The following MEMO1 variants were observed in gnomAD, a reference collection of about 807,000 sequenced individuals.
The protein encoded by MEMO1 is mediator of cell motility 1.
A neutral mutation model predicts 45.2 loss-of-function variants in MEMO1; 6 were observed. The observed-to-expected ratio is 0.13, with a 90% CI of 0.07 to 0.26. The LOEUF is 0.26. Among genes scored for constraint, MEMO1 ranks in the 10% least tolerant of loss-of-function variants. The pLI, the probability that MEMO1 is intolerant of heterozygous loss-of-function variation, is 1.00. For synonymous variants in MEMO1, 78 were observed against 124.3 expected, an observed-to-expected ratio of 0.63 and a Z score of 2.48; for missense variants, 184 against 370.5, an observed-to-expected ratio of 0.50 and a Z score of 4.13.
At chr2:31,993,734 C>T (rs1393156996) in intron 2 of MEMO1, among the ~76,000 whole-genome samples, 2 of 152,098 alleles carry the variant, frequency 1.3e-5, no homozygotes, top group Non-Finnish European at 2.9e-5. Context: ...ATCATTGGAG[C>T]TATCACCAGT....
rs549330170 is a variant in MEMO1 at position 31,872,819 on chromosome 2, T to A, written c.658-2867A>T. ...ATGGTTTAAGAGGTATGCCTCTTTA[T>A]AAGGAAAGATGGGAAAACTAAGGCT... On this transcript the variant is annotated intron_variant, in intron 8 of 9. Transcript: ENST00000404530. 8.5e-4 allele frequency among the ~76,000 whole-genome samples: 129 copies of A among 152,266 alleles called. 1 individual carries two copies. The highest frequency in any genetic ancestry group is 1.2e-3 in the Non-Finnish European group (82 of 67,996).
chr2:31,936,850 A>G (rs1020317559), intron 3 of MEMO1, among the ~76,000 whole-genome samples: 4 of 152,236 alleles, frequency 2.6e-5, no homozygotes, highest in African/African-American at 9.6e-5. Context: ...GTCAGGTCCA[A>G]TAGTCCTAGT....
At chr2:31,938,024 C>G (rs748107629) in intron 3 of MEMO1, among the ~76,000 whole-genome samples, 1 of 152,142 alleles carries the variant, frequency 6.6e-6, no homozygotes, top group East Asian at 1.9e-4. Context: ...GCGACACATA[C>G]TGTCTCCTAC....
Position 31,962,851 on chromosome 2 carries a change from T to A in MEMO1, c.62-19468A>T, listed in dbSNP as rs533578543. ...TTGGTCAAGCATTTTTCTGGATGTA[T>A]CTGTGAGAGTATTTCTAGATAAGAT... On this transcript the variant is annotated intron_variant, in intron 2 of 9. Transcript: ENST00000404530. Among the ~76,000 whole-genome samples the A allele has an allele frequency of 3.3e-5, 5 of 152,312 alleles. No homozygotes were observed. The South Asian group carries it at 8.3e-4, about 25-fold the overall frequency.
chr2:31,943,189 T>G, intron 3 of MEMO1, 113 bp downstream of exon 3: 2 of 757,542 alleles, frequency 2.6e-6, no homozygotes, highest in Non-Finnish European at 4.5e-6. Context: ...CGCTTGAACC[T>G]GGGAGGCGGA....
chr2:31,962,808 CAG>C (rs1375775062), intron 2 of MEMO1, among the ~76,000 whole-genome samples: 1 of 152,140 alleles, frequency 6.6e-6, no homozygotes, highest in Non-Finnish European at 1.5e-5. Context: ...TTAACTGGAC[CAG>C]AGGGTGCCCA....
At chr2:31,930,618 C>T (rs1376515505) in intron 4 of MEMO1, among the ~76,000 whole-genome samples, 2 of 151,794 alleles carry the variant, frequency 1.3e-5, no homozygotes, top group Admixed American at 6.6e-5. Context: ...GGTTTATAGG[C>T]CCAAGTCAAA....
intron 2 of MEMO1, among the ~76,000 whole-genome samples, chr2:31,999,315 T>G (rs1374361280): frequency 6.6e-6 from 1 of 152,046 alleles, no homozygotes; most frequent in Non-Finnish European, 1.5e-5. Flanking sequence ...AAATCTACAT[T>G]AGATCATGCC....
At chr2:31,898,582 T>G (rs1274870063) in intron 6 of MEMO1, among the ~76,000 whole-genome samples, 5 of 151,982 alleles carry the variant, frequency 3.3e-5, no homozygotes, top group Non-Finnish European at 7.4e-5. Flanking sequence ...TCTGAGAGAC[T>G]GTTATGATTT....
At chr2:31,893,090 T>C (rs1438292564) in intron 6 of MEMO1, among the ~76,000 whole-genome samples, 1 of 152,178 alleles carries the variant, frequency 6.6e-6, no homozygotes, top group Non-Finnish European at 1.5e-5. Context: ...CTTTTTAATA[T>C]GATAATCTGG....
At chr2:31,883,965 T>A (rs1411878607) in intron 7 of MEMO1, among the ~76,000 whole-genome samples, 1 of 151,210 alleles carries the variant, frequency 6.6e-6, no homozygotes, top group African/African-American at 2.4e-5. Flanking sequence ...TGAAGTAAAT[T>A]TTTTAAAAAT....
intron 2 of MEMO1, among the ~76,000 whole-genome samples, chr2:31,953,125 T>C (rs1667018411): frequency 6.6e-6 from 1 of 152,132 alleles, no homozygotes; most frequent in African/African-American, 2.4e-5. Context: ...TCCCAGCACT[T>C]TGGGAGGCCA....
chr2:31,945,864 CTA>C (rs1181121449), intron 2 of MEMO1, among the ~76,000 whole-genome samples: 1 of 152,172 alleles, frequency 6.6e-6, no homozygotes, highest in Non-Finnish European at 1.5e-5. Context: ...TTAGGACAAA[CTA>C]TGTGTGACAA....
intron 2 of MEMO1, among the ~76,000 whole-genome samples, chr2:31,992,194 G>C (rs920908231): frequency 6.6e-6 from 1 of 152,142 alleles, no homozygotes; most frequent in Non-Finnish European, 1.5e-5. Flanking sequence ...CCTAGGTCAG[G>C]GCTGAGGAAA....
chr2:31,991,291 G>T (rs1200936127), intron 2 of MEMO1, among the ~76,000 whole-genome samples: 4 of 152,104 alleles, frequency 2.6e-5, no homozygotes, highest in African/African-American at 9.7e-5. Context: ...CACAGGAATG[G>T]GCCGGGCGCG....
intron 2 of MEMO1, among the ~76,000 whole-genome samples, chr2:31,955,672 G>A (rs1397501645): frequency 1.3e-5 from 2 of 151,884 alleles, no homozygotes; most frequent in African/African-American, 4.8e-5. Flanking sequence ...GCAATGGGGC[G>A]ATCTCGGCTC....
At chr2:31,918,838 T>A (rs771479413) in intron 5 of MEMO1, among the ~76,000 whole-genome samples, 2 of 152,070 alleles carry the variant, frequency 1.3e-5, no homozygotes, top group East Asian at 3.9e-4. Flanking sequence ...AAGAAAGAAA[T>A]AAATGGTTGT....
chr2:31,924,968 C>T (rs982806352), intron 4 of MEMO1, among the ~76,000 whole-genome samples: 1 of 152,142 alleles, frequency 6.6e-6, no homozygotes, highest in African/African-American at 2.4e-5. Context: ...CCTTTTATGG[C>T]ATTTCATGGT....
intron 2 of MEMO1, among the ~76,000 whole-genome samples, chr2:32,007,450 T>G (rs943161086): frequency 6.6e-6 from 1 of 152,154 alleles, no homozygotes; most frequent in Non-Finnish European, 1.5e-5. Flanking sequence ...CAAGAAAAAA[T>G]TTGTTACTCT....
Sources: allele counts gnomAD v4.1 joint callset (sites outside exome capture counted in the v4.1 genomes callset), GRCh38; gene constraint gnomAD v4.1.1; transcripts MANE v1.5; gene names NCBI Gene and HGNC (gene_info 2026-07-23, HGNC 2026-07-21).